AOPEP: variants seen among roughly 807,000 people sequenced by gnomAD.
AOPEP encodes aminopeptidase O (putative).
A neutral mutation model predicts 98.1 loss-of-function variants in AOPEP; 77 were observed. That is an observed-to-expected ratio of 0.78 (90% confidence interval 0.65 to 0.95). AOPEP has a LOEUF of 0.95. AOPEP is among the 40% of genes least tolerant of loss of function. AOPEP has a pLI of 0.00. For synonymous variants in AOPEP, 346 were observed against 365.3 expected (o/e 0.95, Z 0.60); for missense variants, 1,024 against 1,024.7 (o/e 1.00, Z 0.01).
chr9:95,046,158 G>A (rs2065849916), intron 13 of AOPEP, among the ~76,000 whole-genome samples: 1 of 152,232 alleles, frequency 6.6e-6, no homozygotes, highest in African/African-American at 2.4e-5. Flanking sequence ...GGAATCATTT[G>A]ATAAGTTAAA....
At position 94,897,233 on chromosome 9, in the gene AOPEP, G is replaced by T. The variant is rs1341201477; in HGVS notation, c.1365-26753G>T. On this transcript the variant is annotated intron_variant, in intron 5 of 16. Coordinates refer to ENST00000375315, the MANE Select transcript of AOPEP (RefSeq NM_001193329.3). ...TTTGTTGCTTGAGAAGTTAAATTAA[G>T]CCCTTGAAATGTAAAAGAATAAAAC... Among the ~76,000 whole-genome samples the T allele has an allele frequency of 3.3e-5, 5 of 151,980 alleles. No homozygotes were observed. In the East Asian group the frequency reaches 9.6e-4, roughly 29 times the overall value.
At chr9:95,005,066 G>A in intron 11 of AOPEP, 92 bp from the exon 12 acceptor site, 1 of 553,168 alleles carries the variant, frequency 1.8e-6, no homozygotes, top group Non-Finnish European at 2.4e-6. Flanking sequence ...CGCGGGCGAG[G>A]TACGGGGCGG....
At chr9:95,099,156 T>TAA in the AOPEP span, 1 of 216,446 alleles carries the variant, frequency 4.6e-6, no homozygotes, top group African/African-American at 2.3e-5. Flanking sequence ...TCCAGGGGAA[T>TAA]AACAGCCTGG....
At chr9:94,996,283 C>G (rs1387471558) in intron 11 of AOPEP, among the ~76,000 whole-genome samples, 1 of 151,872 alleles carries the variant, frequency 6.6e-6, no homozygotes, top group Non-Finnish European at 1.5e-5. Flanking sequence ...AAATAGCTTT[C>G]TCTCATATCT....
At chr9:94,994,927 G>T (rs780351115) in intron 11 of AOPEP, among the ~76,000 whole-genome samples, 16 of 152,082 alleles carry the variant, frequency 1.1e-4, no homozygotes, top group Non-Finnish European at 1.6e-4. Flanking sequence ...CTCTATCCCG[G>T]GCAACAGAGT....
chr9:95,035,778 C>T (rs1341826748), intron 13 of AOPEP, among the ~76,000 whole-genome samples: 1 of 152,040 alleles, frequency 6.6e-6, no homozygotes, highest in African/African-American at 2.4e-5. Flanking sequence ...GCCTCAGCCT[C>T]CCAAAGTGCT....
chr9:95,008,525 C>A (rs966309220), intron 13 of AOPEP, among the ~76,000 whole-genome samples: 1 of 152,166 alleles, frequency 6.6e-6, no homozygotes, highest in Non-Finnish European at 1.5e-5. Flanking sequence ...TAGGCACAGT[C>A]TGATGTAACC....
chr9:95,000,445 C>A (rs973935474), intron 11 of AOPEP, among the ~76,000 whole-genome samples: 1 of 152,144 alleles, frequency 6.6e-6, no homozygotes, highest in South Asian at 2.1e-4. Context: ...CGGTGGCTCA[C>A]GTCTGTAATC....
intron 5 of AOPEP, among the ~76,000 whole-genome samples, chr9:94,868,736 T>C (rs1588626774): frequency 1.3e-5 from 2 of 152,328 alleles, no homozygotes; most frequent in East Asian, 3.9e-4. Context: ...GGAAGCTCCC[T>C]ATGTTACCTT....
At chr9:94,782,838 G>T (rs1843592101) in intron 3 of AOPEP, among the ~76,000 whole-genome samples, 1 of 152,144 alleles carries the variant, frequency 6.6e-6, no homozygotes, top group Non-Finnish European at 1.5e-5. Flanking sequence ...TAATTCTTTT[G>T]TTTTGTGATT....
chr9:95,150,127 C>T, the AOPEP span: 7 of 1,609,352 alleles, frequency 4.3e-6, no homozygotes, highest in Non-Finnish European at 5.1e-6. Context: ...AATCTAAGAG[C>T]CATGCATAAT....
At chr9:94,950,381 T>C (rs2058015622) in intron 7 of AOPEP, among the ~76,000 whole-genome samples, 1 of 152,194 alleles carries the variant, frequency 6.6e-6, no homozygotes. Flanking sequence ...CAGTGACTCT[T>C]ACTGTCACCT....
Position 94,928,480 on chromosome 9 carries a change from G to T in AOPEP, c.1610G>T (p.Arg537Leu), listed in dbSNP as rs41281176. The T allele has an allele frequency of 6.5e-7, 1 of 1,550,306 alleles. No homozygotes were observed. Among genetic ancestry groups the T allele is most frequent in the African/African-American group, 1.4e-5 (1 of 73,038 alleles). Residue 537 changes from arginine (R) to leucine (L), a missense_variant, in exon 7 of 17, where the codon CGT becomes CTT. By Grantham distance (102) the Arg-to-Leu change is moderately radical. This residue lies in a region of AOPEP where 566 missense variants were observed against 551.7 expected (regional missense o/e 1.03). Coordinates refer to ENST00000375315, the MANE Select transcript of AOPEP (RefSeq NM_001193329.3). ...QQELRACLRW[R>L]RLQDEMQCSP... is the part of the protein sequence containing the mutation. ...GAGCTGAGGGCTTGTCTGCGCTGGC[G>T]TCGCCTCCAGGACGAGATGCAATGC...
At chr9:94,780,831 C>T (rs1008351791) in intron 3 of AOPEP, among the ~76,000 whole-genome samples, 3 of 152,170 alleles carry the variant, frequency 2.0e-5, no homozygotes, top group Admixed American at 6.5e-5. Flanking sequence ...CAGTTTCCAT[C>T]ACAGTGACAC....
Position 94,760,437 on chromosome 9 carries a change from C to T in AOPEP, c.654C>T (p.Leu218=), listed in dbSNP as rs777318703. The change falls in exon 2 of 17, where the codon CTC becomes CTT. Residue 218 remains leucine (L), a synonymous_variant. Coordinates refer to ENST00000375315, the MANE Select transcript of AOPEP (RefSeq NM_001193329.3). ...RCSQAPGCGE[L]LFDTDTWSLQ... ...GCCAGGCTCCTGGCTGTGGGGAACTCCTCTTTGACACTGACACTTGGAGCT... is the reference window on the plus strand; with the variant it reads ...GCCAGGCTCCTGGCTGTGGGGAACTTCTCTTTGACACTGACACTTGGAGCT... The T allele has an allele frequency of 1.2e-6, 2 of 1,613,888 alleles. No individual in the cohort carries two copies. The highest frequency in any genetic ancestry group is 2.2e-5 in the South Asian group (2 of 91,026).
chr9:94,852,949 T>C (rs1187918030), intron 5 of AOPEP, among the ~76,000 whole-genome samples: 2 of 152,152 alleles, frequency 1.3e-5, no homozygotes, highest in African/African-American at 2.4e-5. Context: ...TTCCAAAAAA[T>C]AGCTCAATGG....
intron 10 of AOPEP, among the ~76,000 whole-genome samples, chr9:94,971,496 T>C (rs2059532799): frequency 6.6e-6 from 1 of 152,200 alleles, no homozygotes; most frequent in South Asian, 2.1e-4. Context: ...GTACCAATTT[T>C]ATCTAGGTCT....
intron 5 of AOPEP, among the ~76,000 whole-genome samples, chr9:94,874,047 G>A (rs1311330025): frequency 6.6e-6 from 1 of 151,994 alleles, no homozygotes; most frequent in Non-Finnish European, 1.5e-5. Flanking sequence ...AAATAACTAT[G>A]TTTTATTTTG....
At chr9:94,747,505 A>G (rs1473689629) in intron 1 of AOPEP, among the ~76,000 whole-genome samples, 4 of 152,222 alleles carry the variant, frequency 2.6e-5, no homozygotes, top group Non-Finnish European at 5.9e-5. Context: ...TTTTAACACT[A>G]TATTTTTACT....
Sources: gnomAD v4.1 joint callset for allele counts (sites outside exome capture counted in the v4.1 genomes callset) on GRCh38, gnomAD v4.1.1 for gene constraint, gnomAD v4.1.1 regional missense constraint, MANE v1.5 for transcripts, NCBI Gene and HGNC (gene_info 2026-07-23, HGNC 2026-07-21) for gene names.